Variants in SLC39A9 observed in about 807,000 individuals in gnomAD.
SLC39A9 encodes the protein zinc transporter ZIP9.
SLC39A9 carries 14 observed loss-of-function variants against 28.4 expected under a neutral mutation model. That is an observed-to-expected ratio of 0.49 (90% CI 0.33 to 0.77). The LOEUF is 0.77. Ranked by LOEUF, SLC39A9 falls within the 30% of genes least tolerant of loss-of-function variation. SLC39A9 has a pLI of 0.02. For missense variants in SLC39A9, 283 were observed against 381.1 expected (o/e 0.74, Z 2.14); for synonymous variants, 119 against 149.6 (o/e 0.80, Z 1.49).
intron 1 of SLC39A9, among the ~76,000 whole-genome samples, chr14:69,400,789 C>G (rs943573464): frequency 6.6e-6 from 1 of 152,004 alleles, no homozygotes; most frequent in South Asian, 2.1e-4. Flanking sequence ...TTTTCTGTTT[C>G]CTTTTTAATC....
chr14:69,455,469 G>A (rs1490047548), intron 5 of SLC39A9, among the ~76,000 whole-genome samples: 1 of 152,056 alleles, frequency 6.6e-6, no homozygotes, highest in South Asian at 2.1e-4. Flanking sequence ...TGGGATTACA[G>A]GTGCCCACCA....
chr14:69,437,836 T>A (rs912846210), intron 2 of SLC39A9, among the ~76,000 whole-genome samples: 1 of 151,910 alleles, frequency 6.6e-6, no homozygotes, highest in African/African-American at 2.4e-5. Flanking sequence ...TCCACCTGCC[T>A]CAACCTCCCA....
At position 69,458,555 on chromosome 14, in the gene SLC39A9, C is replaced by G; in HGVS notation, c.886C>G (p.Leu296Val). 2 of 1,613,938 alleles carry G rather than the reference C, an allele frequency of 1.2e-6. No individual in the cohort carries two copies. The highest frequency in any genetic ancestry group is 1.7e-6 in the Non-Finnish European group (2 of 1,179,868). ...AGTGGCAGCCCTGGTTCTGGGTTGCCTCATCCCTCTCATCCTGTCAGTAGG... is the reference window on the plus strand; with the variant it reads ...AGTGGCAGCCCTGGTTCTGGGTTGCGTCATCCCTCTCATCCTGTCAGTAGG... ...LEVAALVLGC[L>V]IPLILSVGHQ... is the part of the protein sequence containing the mutation. Residue 296 changes from leucine (L) to valine (V), a missense_variant, in exon 7 of 7, where the codon CTC (leucine) becomes GTC (valine). Physicochemically the swap from Leu to Val is conservative, Grantham distance 32 (BLOSUM62 1). Transcript: ENST00000336643.
chr14:69,457,196 A>G (rs1422525836), intron 6 of SLC39A9, among the ~76,000 whole-genome samples: 1 of 151,930 alleles, frequency 6.6e-6, no homozygotes, highest in African/African-American at 2.4e-5. Flanking sequence ...ACACACACAC[A>G]CACACACACA....
Position 69,442,246 on chromosome 14 carries a change from C to T in SLC39A9, c.383C>T (p.Ser128Phe). The change falls in exon 3 of 7, where the codon TCC becomes TTC. Residue 128 changes from serine to phenylalanine, a missense_variant. Ser to Phe is a radical substitution (Grantham distance 155, BLOSUM62 -2). Coordinates refer to ENST00000336643, the MANE Select transcript of SLC39A9 (RefSeq NM_018375.5). ...FMLLVDQIGN[S>F]HVHSTDDPEA... ...TTGCTGGTGGACCAGATTGGTAACT[C>T]CCATGTGCATTCTACTGACGGTGAG... The T allele has an allele frequency of 6.2e-7, 1 of 1,614,150 alleles. No homozygotes were observed. Among genetic ancestry groups the T allele is most frequent in the Non-Finnish European group, 8.5e-7 (1 of 1,180,016 alleles).
chr14:69,435,766 G>A (rs924225568), intron 2 of SLC39A9, among the ~76,000 whole-genome samples: 5 of 151,950 alleles, frequency 3.3e-5, no homozygotes, highest in South Asian at 2.1e-4. Flanking sequence ...TCTGCCTCCC[G>A]GGTTCAAGCG....
chr14:69,461,194 A>G lies in SLC39A9; in HGVS notation c.*2601A>G. The G allele has an allele frequency of 1.0e-6, 1 of 987,908 alleles. No homozygotes were observed. The highest frequency in any genetic ancestry group is 1.7e-5 in the African/African-American group (1 of 57,392). The allele number at this position is 987,908 out of a possible 1,614,324, so 61.2% of individuals were successfully genotyped here. ...GATGAGAAGCATGATTCTTGCTTCC[A>G]TATAACCAAAGTTAATCTTAATTGC... is the stretch of plus-strand genomic sequence containing the variant. On this transcript the variant is annotated 3_prime_UTR_variant, in exon 7 of 7. Coordinates refer to ENST00000336643, the MANE Select transcript of SLC39A9 (RefSeq NM_018375.5).
chr14:69,422,258 T>C, intron 1 of SLC39A9, among the ~76,000 whole-genome samples: 1 of 152,000 alleles, frequency 6.6e-6, no homozygotes, highest in Non-Finnish European at 1.5e-5. Context: ...CCTTGTGGTT[T>C]TGTTTATTTT....
At chr14:69,434,286 A>G (rs1309594911) in intron 2 of SLC39A9, among the ~76,000 whole-genome samples, 1 of 150,048 alleles carries the variant, frequency 6.7e-6, no homozygotes, top group Non-Finnish European at 1.5e-5. Context: ...GTTTCACCAT[A>G]TTGGTCAGGC....
At chr14:69,453,828 G>A (rs1341781956) in intron 4 of SLC39A9, among the ~76,000 whole-genome samples, 1 of 152,224 alleles carries the variant, frequency 6.6e-6, no homozygotes, top group East Asian at 1.9e-4. Context: ...CATCTCTTTT[G>A]TTTTTGTGCA....
In SLC39A9 at chr14:69,458,694, G is replaced by A. The variant is rs879651432; in HGVS notation, c.*101G>A. The A allele has an allele frequency of 1.2e-5, 18 of 1,450,654 alleles. No individual in the cohort carries two copies. Among genetic ancestry groups the A allele is most frequent in the Admixed American group, 7.7e-5 (3 of 38,832 alleles). The allele number at this position is 1,450,654 out of a possible 1,614,324, so 89.9% of individuals were successfully genotyped here. Reference sequence around the variant, plus strand: ...TCCTCAGTCTCTTGTCTCACCTTGCGCATCTCTACATGTATTCCTAGAGTC... The same window carrying A: ...TCCTCAGTCTCTTGTCTCACCTTGCACATCTCTACATGTATTCCTAGAGTC... On this transcript the variant is annotated 3_prime_UTR_variant, in exon 7 of 7. Transcript: ENST00000336643.
At position 69,398,751 on chromosome 14, in the gene SLC39A9, C is replaced by T; in HGVS notation, c.-619C>T. The T allele has an allele frequency of 4.6e-6, 1 of 217,710 alleles. No individual in the cohort carries two copies. Among genetic ancestry groups the T allele is most frequent in the South Asian group, 5.4e-5 (1 of 18,608 alleles). The allele number at this position is 217,710 out of a possible 1,614,324, so 13.5% of individuals were successfully genotyped here. A position where few individuals can be genotyped will look rare whatever the true frequency, so the allele number is the denominator to read the frequency against. On this transcript the variant is annotated 5_prime_UTR_variant, in exon 1 of 7. Coordinates refer to ENST00000336643, the MANE Select transcript of SLC39A9 (RefSeq NM_018375.5). ...GTATCGGCGACTCCGGGTCAAGGCC[C>T]GGTCGAGTGCAGTACCATGGGCAGC...
chr14:69,430,183 C>A (rs1490541642), intron 2 of SLC39A9, among the ~76,000 whole-genome samples: 2 of 152,130 alleles, frequency 1.3e-5, no homozygotes, highest in Admixed American at 6.5e-5. Context: ...TTTTAGAGAG[C>A]AGTTTTTAAT....
intron 2 of SLC39A9, among the ~76,000 whole-genome samples, chr14:69,438,605 C>G (rs1259364819): frequency 6.6e-6 from 1 of 152,106 alleles, no homozygotes; most frequent in African/African-American, 2.4e-5. Flanking sequence ...AAAAAACTGT[C>G]TATAGAAACA....
At chr14:69,426,359 G>A (rs1884192280) in intron 2 of SLC39A9, among the ~76,000 whole-genome samples, 1 of 152,170 alleles carries the variant, frequency 6.6e-6, no homozygotes, top group African/African-American at 2.4e-5. Flanking sequence ...AGAACTCAGA[G>A]AAACACTTAC....
intron 3 of SLC39A9, among the ~76,000 whole-genome samples, chr14:69,444,550 G>A (rs1439131609): frequency 6.6e-6 from 1 of 152,126 alleles, no homozygotes; most frequent in Admixed American, 6.5e-5. Flanking sequence ...CTCATATATT[G>A]GGGTGGCAAT....
intron 3 of SLC39A9, among the ~76,000 whole-genome samples, chr14:69,450,599 A>G (rs1382002287): frequency 6.6e-6 from 1 of 151,980 alleles, no homozygotes; most frequent in Non-Finnish European, 1.5e-5. Flanking sequence ...ACACAGCAAG[A>G]CCCATCTCTA....
At chr14:69,418,505 G>T (rs1883698575) in intron 1 of SLC39A9, among the ~76,000 whole-genome samples, 1 of 152,104 alleles carries the variant, frequency 6.6e-6, no homozygotes, top group South Asian at 2.1e-4. Flanking sequence ...GAATTAGAGA[G>T]AATTCCCTCT....
rs142544417 is a variant in SLC39A9, at chr14:69,456,479, C to T, written c.693+613C>T. On this transcript the variant is annotated intron_variant, in intron 6 of 6. Coordinates refer to ENST00000336643, the MANE Select transcript of SLC39A9 (RefSeq NM_018375.5). ...ATTCTTGGTCTCATTTTTCACGTTC[C>T]TCCTCTTCTCCCAGCTCTCACGTCC... Among the ~76,000 whole-genome samples the T allele has an allele frequency of 4.8e-3, 733 of 152,256 alleles. 5 individuals carry two copies. The highest frequency in any genetic ancestry group is 0.017 in the African/African-American group (701 of 41,562).
Sources: allele counts gnomAD v4.1 joint callset (sites outside exome capture counted in the v4.1 genomes callset), GRCh38; gene constraint gnomAD v4.1.1; transcripts MANE v1.5; gene names NCBI Gene and HGNC (gene_info 2026-07-23, HGNC 2026-07-21).